The following NTM variants were observed in gnomAD, a reference collection of about 807,000 sequenced individuals.
NTM encodes neurotrimin, also known as IgLON family member 2.
NTM carries 13 observed loss-of-function variants against 42.1 expected under a neutral mutation model. The observed-to-expected ratio is 0.31, with a 90% CI of 0.20 to 0.49. The LOEUF is 0.49. NTM is among the 20% of genes least tolerant of loss of function. NTM has a pLI of 0.99. For synonymous variants in NTM, 187 were observed against 179.2 expected, an observed-to-expected ratio of 1.04 and a Z score of -0.35; for missense variants, 373 against 452.8, an observed-to-expected ratio of 0.82 and a Z score of 1.60.
Position 131,463,157 on chromosome 11 carries a change from A to T in NTM, c.82+92269A>T, listed in dbSNP as rs556638996. On this transcript the variant is annotated intron_variant, in intron 1 of 8. Coordinates refer to ENST00000683400, the MANE Select transcript of NTM (RefSeq NM_001352005.2). ...AAAAAGATTATAAAAAGGTTACAGG[A>T]GCAACATTCCATCCTATTGCCCTCC... is the stretch of plus-strand genomic sequence containing the variant. Among the ~76,000 whole-genome samples the T allele has an allele frequency of 2.0e-5, 3 of 152,294 alleles. No homozygotes were observed. The South Asian group carries it at 6.2e-4, about 32-fold the overall frequency.
intron 2 of NTM, among the ~76,000 whole-genome samples, chr11:132,111,958 G>T (rs10894502): frequency 0.36 from 54,559 of 152,180 alleles, 10,083 homozygotes; most frequent in African/African-American, 0.43. Flanking sequence ...GGCAAAGGAA[G>T]AGAGAAACTT....
chr11:131,714,631 A>T (rs1323132955), intron 1 of NTM, among the ~76,000 whole-genome samples: 1 of 152,086 alleles, frequency 6.6e-6, no homozygotes, highest in African/African-American at 2.4e-5. Flanking sequence ...GTCCTTTTCT[A>T]CCTTGCTCAT....
At chr11:131,698,126 G>T (rs2075672011) in intron 1 of NTM, among the ~76,000 whole-genome samples, 1 of 152,098 alleles carries the variant, frequency 6.6e-6, no homozygotes, top group East Asian at 1.9e-4. Context: ...TTAATATTGG[G>T]ATCTTTTTTC....
chr11:131,466,002 G>A (rs1261388580), intron 1 of NTM, among the ~76,000 whole-genome samples: 1 of 152,206 alleles, frequency 6.6e-6, no homozygotes, highest in Non-Finnish European at 1.5e-5. Flanking sequence ...CACTCTGCAG[G>A]AGTGTCAGGC....
rs144143021 is a variant in NTM at position 132,281,706 on chromosome 11, A to C, written c.527-25983A>C. 9.2e-3 allele frequency among the ~76,000 whole-genome samples: 1,406 copies of C among 152,328 alleles called. 3 individuals carry two copies. Among genetic ancestry groups the C allele is most frequent in the Middle Eastern group, 0.031 (9 of 294 alleles). On this transcript the variant is annotated intron_variant, in intron 4 of 8. Transcript: ENST00000683400. ...CAGACAGTAAGCTTTCACATCATAC[A>C]TGGGTCAAGCACAGACATATTCTTC...
rs138970744 is a variant in NTM at position 132,137,464 on chromosome 11, C to T, written c.168-8818C>T. On this transcript the variant is annotated intron_variant, in intron 2 of 8. Transcript: ENST00000683400. ...TTTTGGTTCCCTGCCTGCTCTTTGT[C>T]TTCAGGATAAAATGCAGACTCTTTC... 4.5e-4 allele frequency among the ~76,000 whole-genome samples: 68 copies of T among 152,336 alleles called. 1 individual carries two copies. The highest frequency in any genetic ancestry group is 7.6e-4 in the Non-Finnish European group (52 of 68,026).
intron 2 of NTM, among the ~76,000 whole-genome samples, chr11:131,956,488 C>T (rs1390103662): frequency 6.6e-6 from 1 of 151,704 alleles, no homozygotes; most frequent in Non-Finnish European, 1.5e-5. Flanking sequence ...GGTATCTGGC[C>T]AGAGTTTTCA....
At position 131,965,917 on chromosome 11, in the gene NTM, G is replaced by A. The variant is rs76385510; in HGVS notation, c.167+54269G>A. The stretch of plus-strand genomic sequence containing the variant: ...TGGAGCTTGGGTAGGTAGGTAGAGA[G>A]CAAAGGAGGGAGGGAGGGAAGGGGG... On this transcript the variant is annotated intron_variant, in intron 2 of 8. Transcript: ENST00000683400. Among the ~76,000 whole-genome samples, 592 of 132,850 alleles carry A rather than the reference G, an allele frequency of 4.5e-3. 33 individuals carry two copies. In the East Asian group the frequency reaches 0.13, roughly 29 times the overall value. The allele number at this position is 132,850 out of a possible 152,430, so 87.2% of individuals were successfully genotyped here.
chr11:131,374,238 C>T (rs1429104388), intron 1 of NTM, among the ~76,000 whole-genome samples: 1 of 152,194 alleles, frequency 6.6e-6, no homozygotes, highest in East Asian at 1.9e-4. Flanking sequence ...CCTGGCAAGG[C>T]GTGCACAGTG....
intron 2 of NTM, among the ~76,000 whole-genome samples, chr11:132,060,901 T>C (rs571113238): frequency 6.6e-6 from 1 of 152,344 alleles, no homozygotes; most frequent in East Asian, 1.9e-4. Flanking sequence ...TGTGAATGTT[T>C]GTGTTAGAGC....
chr11:132,152,994 T>C (rs567686354), intron 3 of NTM, among the ~76,000 whole-genome samples: 67 of 152,162 alleles, frequency 4.4e-4, no homozygotes, highest in Non-Finnish European at 9.4e-4. Flanking sequence ...CACCCACTCA[T>C]AGAGAATGGA....
rs1420344045 is a variant in NTM at position 132,066,699 on chromosome 11, A to C, written c.168-79583A>C. ...TCATTCTTCAAGGCCAACATTTTCA[A>C]ATTTCTCTCTGATGCATATTCACAT... On this transcript the variant is annotated intron_variant, in intron 2 of 8. Coordinates refer to ENST00000683400, the MANE Select transcript of NTM (RefSeq NM_001352005.2). 5.9e-5 allele frequency among the ~76,000 whole-genome samples: 9 copies of C among 152,142 alleles called. No individual in the cohort carries two copies. In the East Asian group the frequency reaches 7.7e-4, roughly 13 times the overall value.
At chr11:131,743,291 G>C (rs1368717025) in intron 1 of NTM, among the ~76,000 whole-genome samples, 1 of 150,630 alleles carries the variant, frequency 6.6e-6, no homozygotes, top group Non-Finnish European at 1.5e-5. Context: ...TCCATTTCCA[G>C]TGTCTGGTAG....
rs572642638 is a variant in NTM, at chr11:131,562,736, G to C, written c.82+191848G>C. ...TGCATAAGTAATCCCATTAACAGTG[G>C]TACAGGGTGCTTTCTTTCTGGAACA... On this transcript the variant is annotated intron_variant, in intron 1 of 8. Transcript: ENST00000683400. Among the ~76,000 whole-genome samples, 4 of 152,290 alleles carry C rather than the reference G, an allele frequency of 2.6e-5. No individual in the cohort carries two copies. In the South Asian group the frequency reaches 6.2e-4, roughly 24 times the overall value.
intron 1 of NTM, among the ~76,000 whole-genome samples, chr11:131,381,952 CT>C (rs1039614243): frequency 1.5e-4 from 23 of 152,212 alleles, no homozygotes; most frequent in African/African-American, 5.5e-4. Context: ...TGTTAACACT[CT>C]TTTTCATAGC....
At chr11:131,791,393 T>C (rs1018082427) in intron 1 of NTM, among the ~76,000 whole-genome samples, 1 of 152,244 alleles carries the variant, frequency 6.6e-6, no homozygotes, top group African/African-American at 2.4e-5. Flanking sequence ...TTTATCCTTT[T>C]ATTAAATGTA....
chr11:132,194,837 T>C (rs578191452), intron 3 of NTM, among the ~76,000 whole-genome samples: 2 of 144,040 alleles, frequency 1.4e-5, no homozygotes, highest in African/African-American at 5.4e-5. Context: ...TTTTTTTTTT[T>C]TCTGAGACAG....
intron 1 of NTM, among the ~76,000 whole-genome samples, chr11:131,664,923 C>T (rs2068760190): frequency 6.6e-6 from 1 of 152,098 alleles, no homozygotes; most frequent in Non-Finnish European, 1.5e-5. Flanking sequence ...GGCACATCCT[C>T]GTGTGTGGCT....
At chr11:131,583,253 T>C (rs1295364539) in intron 1 of NTM, among the ~76,000 whole-genome samples, 1 of 152,058 alleles carries the variant, frequency 6.6e-6, no homozygotes, top group South Asian at 2.1e-4. Context: ...CACCTTGAAT[T>C]TTTCACTCAT....
Sources: gnomAD v4.1 joint callset for allele counts (sites outside exome capture counted in the v4.1 genomes callset) on GRCh38, gnomAD v4.1.1 for gene constraint, MANE v1.5 for transcripts, NCBI Gene and HGNC (gene_info 2026-07-23, HGNC 2026-07-21) for gene names.